Variants in TSPEAR observed in about 807,000 individuals in gnomAD.
TSPEAR encodes thrombospondin-type laminin G domain and EAR repeat-containing protein.
A neutral mutation model predicts 71.6 loss-of-function variants in TSPEAR; 69 were observed. That is an observed-to-expected ratio of 0.96 (90% CI 0.79 to 1.18). The LOEUF is 1.18. TSPEAR is among the 50% of genes most tolerant of loss of function. The probability of loss-of-function intolerance (pLI) is 0.00; values close to 1 mark genes in which losing one functional copy is unlikely to be tolerated. For synonymous variants in TSPEAR, 402 were observed against 387.2 expected (o/e 1.04, Z -0.45); for missense variants, 971 against 894.9 (o/e 1.09, Z -1.09).
intron 1 of TSPEAR, among the ~76,000 whole-genome samples, chr21:44,661,854 T>C (rs587617973): frequency 5.9e-5 from 9 of 151,726 alleles, no homozygotes; most frequent in Non-Finnish European, 1.0e-4. Context: ...ACCAAGGGGA[T>C]GACGCTTAAC....
intron 2 of TSPEAR, chr21:44,558,903 G>C (rs2053593996): frequency 1.3e-6 from 1 of 771,968 alleles, no homozygotes; most frequent in South Asian, 1.9e-5. Context: ...TGTAGGCACT[G>C]TTGTGTTAGT....
Position 44,497,920 on chromosome 21 carries a change from A to T in TSPEAR, c.*1863T>A, listed in dbSNP as rs1046871004. 1 of 152,218 alleles carries T rather than the reference A, an allele frequency of 6.6e-6. No individual in the cohort carries two copies. Among genetic ancestry groups the T allele is most frequent in the Admixed American group, 6.5e-5 (1 of 15,280 alleles). The allele number at this position is 152,218 out of a possible 1,614,324, so 9.4% of individuals were successfully genotyped here. The stretch of plus-strand genomic sequence containing the variant: ...GATCAATGGAGAAGTTTATTTTGCC[A>T]AGGCTAAGGATGCACCCAGGAGACA... On this transcript the variant is annotated 3_prime_UTR_variant, in exon 12 of 12. Coordinates refer to ENST00000323084, the MANE Select transcript of TSPEAR (RefSeq NM_144991.3).
At chr21:44,627,940 C>T (rs9980129) in intron 1 of TSPEAR, 1,073,676 of 1,613,078 alleles carry the variant, frequency 0.67, 359,151 homozygotes, top group Admixed American at 0.71. Flanking sequence ...CACCTCCTCC[C>T]GCCAGCCCAG....
chr21:44,637,407 C>T (rs200886500), intron 1 of TSPEAR: 2 of 1,596,238 alleles, frequency 1.3e-6, no homozygotes, highest in African/African-American at 1.3e-5. Context: ...TCACCGCCTC[C>T]CCACTCCAGC....
At chr21:44,505,464 C>T (rs1601320088) in intron 10 of TSPEAR, among the ~76,000 whole-genome samples, 1 of 150,058 alleles carries the variant, frequency 6.7e-6, no homozygotes, top group East Asian at 2.0e-4. Flanking sequence ...GGGCATTAAG[C>T]ACATTCATAC....
intron 1 of TSPEAR, among the ~76,000 whole-genome samples, chr21:44,617,779 C>T (rs433505): frequency 0.82 from 124,654 of 152,172 alleles, 53,297 homozygotes; most frequent in Non-Finnish European, 0.94. Context: ...ATGTCTGCAA[C>T]ACCAGGTGGA....
At chr21:44,515,255 TAC>T (rs1234020373) in intron 9 of TSPEAR, among the ~76,000 whole-genome samples, 5 of 152,224 alleles carry the variant, frequency 3.3e-5, no homozygotes, top group African/African-American at 1.2e-4. Flanking sequence ...TTTGAGGAAT[TAC>T]TGAGTTTTGA....
intron 11 of TSPEAR, among the ~76,000 whole-genome samples, chr21:44,502,846 G>A (rs1408248204): frequency 6.7e-6 from 1 of 149,884 alleles, no homozygotes; most frequent in Non-Finnish European, 1.5e-5. Flanking sequence ...GCCTCGGTGA[G>A]CCCTTGGGGG....
Position 44,711,447 on chromosome 21 carries a change from C to T in TSPEAR, c.68G>A (p.Trp23Ter). The T allele has an allele frequency of 6.2e-7, 1 of 1,607,916 alleles. No individual in the cohort carries two copies. The highest frequency in any genetic ancestry group is 1.1e-5 in the South Asian group (1 of 89,944). The change falls in exon 1 of 12, where the codon TGG (tryptophan) becomes TAG (stop). Residue 23 changes from tryptophan to a stop codon, truncating the protein, a stop_gained. Coordinates refer to ENST00000323084, the MANE Select transcript of TSPEAR (RefSeq NM_144991.3). LOFTEE classifies it high-confidence loss of function. The surrounding 1 kb of genome is among the most constrained non-coding windows in gnomAD (Gnocchi z 4.5). ...LAAPGHGTQG[W>*]EPCTDLRPLD... The stretch of plus-strand genomic sequence containing the variant: ...CCCTGCCTTACCTGTGCAGGGCTCC[C>T]AACCCTGCGTGCCGTGGCCGGGGGC...
At chr21:44,643,934 C>T (rs781860542) in intron 1 of TSPEAR, among the ~76,000 whole-genome samples, 13 of 152,236 alleles carry the variant, frequency 8.5e-5, no homozygotes, top group Non-Finnish European at 1.3e-4. Flanking sequence ...TGCTGGGCAG[C>T]CAGCCACGAC....
intron 3 of TSPEAR, among the ~76,000 whole-genome samples, chr21:44,531,412 C>G (rs922230619): frequency 6.6e-6 from 1 of 152,180 alleles, no homozygotes; most frequent in African/African-American, 2.4e-5. Flanking sequence ...GTGGCCATGT[C>G]GCTCCAGTGT....
At chr21:44,511,298 T>C (rs944130598) in intron 9 of TSPEAR, among the ~76,000 whole-genome samples, 3 of 152,192 alleles carry the variant, frequency 2.0e-5, no homozygotes, top group Admixed American at 2.0e-4. Context: ...ATGTGCACTG[T>C]GCGCACACAC....
At chr21:44,555,156 C>T (rs1211541467) in intron 2 of TSPEAR, among the ~76,000 whole-genome samples, 1 of 152,002 alleles carries the variant, frequency 6.6e-6, no homozygotes, top group Non-Finnish European at 1.5e-5. Context: ...GCAGAGAAGA[C>T]CATGAAAACG....
chr21:44,509,012 C>G, intron 10 of TSPEAR, 187 bp downstream of exon 10: 1 of 1,485,802 alleles, frequency 6.7e-7, no homozygotes, highest in Non-Finnish European at 9.1e-7. Context: ...GCACTGACTT[C>G]CCCAGGCCAG....
Position 44,612,435 on chromosome 21 carries a change from C to T in TSPEAR, c.83-44430G>A, listed in dbSNP as rs781831955. The stretch of plus-strand genomic sequence containing the variant: ...TGCCAGCCGGCTTGCTGCACCTCCT[C>T]CCCCTGCCAACAGGCCTGCTGTGTG... On this transcript the variant is annotated intron_variant, in intron 1 of 11. Coordinates refer to ENST00000323084, the MANE Select transcript of TSPEAR (RefSeq NM_144991.3). This position sits in a 1 kb window ranked among gnomAD's most constrained non-coding sequence, Gnocchi z 4.1. 9.9e-6 allele frequency: 16 copies of T among 1,614,056 alleles called. No homozygotes were observed. Among genetic ancestry groups the T allele is most frequent in the East Asian group, 2.2e-5 (1 of 44,864 alleles).
chr21:44,509,860 T>G (rs2052317961), intron 9 of TSPEAR: 1 of 171,480 alleles, frequency 5.8e-6, no homozygotes, highest in African/African-American at 2.4e-5. Context: ...CCACCTGCTG[T>G]CTCACCTCTT....
chr21:44,659,632 G>C (rs1985381023), intron 1 of TSPEAR, among the ~76,000 whole-genome samples: 1 of 152,178 alleles, frequency 6.6e-6, no homozygotes, highest in Non-Finnish European at 1.5e-5. Flanking sequence ...GGATTCAAAA[G>C]TGACCCAGGG....
chr21:44,539,163 G>C lies in TSPEAR; in HGVS notation c.304-5240C>G, dbSNP rs587754095. The C allele has an allele frequency of 2.2e-4, 307 of 1,396,500 alleles. 4 individuals carry two copies. In the South Asian group the frequency reaches 4.1e-3, roughly 19 times the overall value. The allele number at this position is 1,396,500 out of a possible 1,614,324, so 86.5% of individuals were successfully genotyped here. ...GATGGAGGCTCCTGGGAGCAAGGAGGGGGGGTCACCTCAGCACAGGGGAGA... is the reference window on the plus strand; with the variant it reads ...GATGGAGGCTCCTGGGAGCAAGGAGCGGGGGTCACCTCAGCACAGGGGAGA... On this transcript the variant is annotated intron_variant, in intron 2 of 11. Transcript: ENST00000323084.
In TSPEAR at chr21:44,677,401, G is replaced by A. The variant is rs1986368150; in HGVS notation, c.82+34032C>T. 3 of 1,191,978 alleles carry A rather than the reference G, an allele frequency of 2.5e-6. No individual in the cohort carries two copies. In the South Asian group the frequency reaches 3.7e-5, roughly 15 times the overall value. 73.8% of individuals were successfully genotyped at this position (1,191,978 alleles called of 1,614,324 possible). On this transcript the variant is annotated intron_variant, in intron 1 of 11. Coordinates refer to ENST00000323084, the MANE Select transcript of TSPEAR (RefSeq NM_144991.3). ...TTGACAGCCTGGACCACAGTGTTCT[G>A]AGCTGCAATCGCCTGCAGAGTGACA... is the stretch of plus-strand genomic sequence containing the variant.
Sources: allele counts gnomAD v4.1 joint callset (sites outside exome capture counted in the v4.1 genomes callset), GRCh38; gene constraint gnomAD v4.1.1; non-coding constraint Gnocchi (gnomAD v3.1); transcripts MANE v1.5; gene names NCBI Gene and HGNC (gene_info 2026-07-23, HGNC 2026-07-21).